RHPN2: variants seen among roughly 807,000 people sequenced by gnomAD.
The protein encoded by RHPN2 is rhophilin Rho GTPase binding protein 2.
A neutral mutation model predicts 79.0 loss-of-function variants in RHPN2; 40 were observed. That is an observed-to-expected ratio of 0.51 (90% CI 0.39 to 0.66). The LOEUF is 0.66. Among genes scored for constraint, RHPN2 ranks in the 30% least tolerant of loss-of-function variants. The pLI is 0.00. For missense variants in RHPN2, 686 were observed against 883.5 expected, an observed-to-expected ratio of 0.78 and a Z score of 2.83; for synonymous variants, 285 against 363.5, an observed-to-expected ratio of 0.78 and a Z score of 2.46.
At chr19:33,007,191 T>C (rs999420780) in intron 7 of RHPN2, among the ~76,000 whole-genome samples, 2 of 151,648 alleles carry the variant, frequency 1.3e-5, no homozygotes, top group Non-Finnish European at 2.9e-5. Flanking sequence ...GCAGGTGATA[T>C]AAAGGCATGG....
chr19:32,986,097 C>G (rs982774498), intron 14 of RHPN2, among the ~76,000 whole-genome samples: 6 of 152,226 alleles, frequency 3.9e-5, no homozygotes, highest in Non-Finnish European at 5.9e-5. Context: ...CTGAGGCTCA[C>G]AGCTATTCCC....
intron 1 of RHPN2, among the ~76,000 whole-genome samples, chr19:33,047,713 C>T (rs770443186): frequency 3.9e-5 from 6 of 152,120 alleles, no homozygotes; most frequent in Non-Finnish European, 8.8e-5. Flanking sequence ...GCGGAAACCT[C>T]CTCAGGAATC....
At chr19:32,998,979 CAG>C (rs1271757127) in intron 10 of RHPN2, among the ~76,000 whole-genome samples, 4 of 82,840 alleles carry the variant, frequency 4.8e-5, no homozygotes, top group Admixed American at 1.9e-4. Flanking sequence ...GGGAGGGGAA[CAG>C]AGGGGAGGAG....
At chr19:32,989,008 TGA>T (rs1316437561) in intron 14 of RHPN2, among the ~76,000 whole-genome samples, 1 of 152,198 alleles carries the variant, frequency 6.6e-6, no homozygotes, top group African/African-American at 2.4e-5. Flanking sequence ...AATGAATAAA[TGA>T]GTGTTGTTAC....
At chr19:33,021,505 C>A (rs879808986) in intron 4 of RHPN2, 66 bp downstream of exon 4, 2 of 1,301,164 alleles carry the variant, frequency 1.5e-6, no homozygotes, top group South Asian at 2.4e-5. Flanking sequence ...TACAGGCATG[C>A]GCCACTGCAA....
Position 33,003,008 on chromosome 19 carries a change from T to G in RHPN2, c.761-8A>C, listed in dbSNP as rs768208511. 2 of 1,613,300 alleles carry G rather than the reference T, an allele frequency of 1.2e-6. No individual in the cohort carries two copies. The highest frequency in any genetic ancestry group is 3.3e-5 in the Admixed American group (2 of 59,966). On this transcript the variant is annotated splice_polypyrimidine_tract_variant and splice_region_variant and intron_variant, in intron 7 of 14. Coordinates refer to ENST00000254260, the MANE Select transcript of RHPN2 (RefSeq NM_033103.5). Reference sequence around the variant, plus strand: ...TCAGGTAATTTAAAACCCCTAAAAGTGGAAAATGTTTTGCCCATTAGTTCG... The same window carrying G: ...TCAGGTAATTTAAAACCCCTAAAAGGGGAAAATGTTTTGCCCATTAGTTCG...
chr19:32,993,706 C>A (rs1445137175), intron 12 of RHPN2, among the ~76,000 whole-genome samples: 1 of 152,086 alleles, frequency 6.6e-6, no homozygotes, highest in Non-Finnish European at 1.5e-5. Flanking sequence ...AAAACAGGCC[C>A]AAGGAAGCTC....
At chr19:33,020,748 G>A (rs1315669503) in intron 4 of RHPN2, among the ~76,000 whole-genome samples, 2 of 152,294 alleles carry the variant, frequency 1.3e-5, no homozygotes, top group East Asian at 3.9e-4. Flanking sequence ...TGATCCGCCT[G>A]CTTCAGCCTC....
intron 2 of RHPN2, among the ~76,000 whole-genome samples, chr19:33,035,290 C>T (rs1599828231): frequency 1.3e-5 from 2 of 151,826 alleles, no homozygotes; most frequent in African/African-American, 2.4e-5. Context: ...TTAGTAAAGA[C>T]AAGGTGTCAC....
intron 2 of RHPN2, among the ~76,000 whole-genome samples, chr19:33,029,527 G>GAA (rs374028038): frequency 0.033 from 2,699 of 81,484 alleles, 132 homozygotes; most frequent in African/African-American, 0.11. Flanking sequence ...CTCTATCTCA[G>GAA]AAAAAAAAAA....
At chr19:33,026,301 C>T (rs1482833860) in intron 3 of RHPN2, among the ~76,000 whole-genome samples, 1 of 151,978 alleles carries the variant, frequency 6.6e-6, no homozygotes, top group Non-Finnish European at 1.5e-5. Flanking sequence ...TTGTCCAACA[C>T]TGCAGGTATT....
rs190192173 is a variant in RHPN2, at chr19:33,024,895, G to A, written c.314+1609C>T. Among the ~76,000 whole-genome samples, 178 of 152,176 alleles carry A rather than the reference G, an allele frequency of 1.2e-3. 1 individual carries two copies. The Middle Eastern group carries it at 0.024, about 20-fold the overall frequency. On this transcript the variant is annotated intron_variant, in intron 3 of 14. Transcript: ENST00000254260. Reference sequence around the variant, plus strand: ...GCCTTCTGAGTAGCTGAGACTACAGGTGTGCACCACCATGCCCGGCTAATT... The same window carrying A: ...GCCTTCTGAGTAGCTGAGACTACAGATGTGCACCACCATGCCCGGCTAATT...
intron 1 of RHPN2, among the ~76,000 whole-genome samples, chr19:33,063,579 A>C (rs1972299508): frequency 6.6e-6 from 1 of 152,226 alleles, no homozygotes; most frequent in Non-Finnish European, 1.5e-5. Flanking sequence ...AAGGGCCAAA[A>C]GCTATTTTTA....
chr19:33,018,101 C>G (rs376833609), intron 4 of RHPN2, among the ~76,000 whole-genome samples: 15 of 151,510 alleles, frequency 9.9e-5, no homozygotes, highest in Non-Finnish European at 2.1e-4. Context: ...TGCAGTGAGC[C>G]GAGATCACGC....
At chr19:33,063,930 G>A (rs928462238) in intron 1 of RHPN2, among the ~76,000 whole-genome samples, 1 of 151,980 alleles carries the variant, frequency 6.6e-6, no homozygotes, top group Admixed American at 6.6e-5. Context: ...CGGTGCTCAC[G>A]CCCTCCTGGA....
At chr19:33,040,358 TC>T (rs1225124577) in intron 2 of RHPN2, among the ~76,000 whole-genome samples, 1 of 147,280 alleles carries the variant, frequency 6.8e-6, no homozygotes, top group African/African-American at 2.5e-5. Flanking sequence ...TGCCTCAGCC[TC>T]CCGAGTAGCT....
intron 4 of RHPN2, among the ~76,000 whole-genome samples, chr19:33,014,719 A>T (rs564618267): frequency 6.6e-6 from 1 of 152,240 alleles, no homozygotes; most frequent in South Asian, 2.1e-4. Flanking sequence ...CAGGTGTTCC[A>T]GACCAGCCTG....
intron 1 of RHPN2, among the ~76,000 whole-genome samples, chr19:33,045,804 A>G (rs768107135): frequency 2.0e-5 from 3 of 152,094 alleles, no homozygotes; most frequent in Non-Finnish European, 4.4e-5. Context: ...CATTTTCATC[A>G]GCCTAAAAAA....
intron 13 of RHPN2, among the ~76,000 whole-genome samples, chr19:32,991,114 G>C (rs1438509094): frequency 6.6e-6 from 1 of 151,878 alleles, no homozygotes; most frequent in Admixed American, 6.6e-5. Flanking sequence ...TTGAGGCCAG[G>C]AGTTCGAGAC....
Sources: allele counts gnomAD v4.1 joint callset (sites outside exome capture counted in the v4.1 genomes callset), GRCh38; gene constraint gnomAD v4.1.1; transcripts MANE v1.5; gene names NCBI Gene and HGNC (gene_info 2026-07-23, HGNC 2026-07-21).